Variants in MCF2L observed in about 807,000 individuals in gnomAD.
MCF2L encodes guanine nucleotide exchange factor DBS.
MCF2L carries 97 observed loss-of-function variants against 153.4 expected under a neutral mutation model. The ratio of observed to expected loss-of-function variants is 0.63; its 90% CI spans 0.54 to 0.75. The LOEUF (loss-of-function observed/expected upper bound fraction) is 0.75. Ranked by LOEUF, MCF2L falls within the 30% of genes least tolerant of loss-of-function variation. The pLI, the probability that MCF2L is intolerant of heterozygous loss-of-function variation, is 0.00. For synonymous variants in MCF2L, 659 were observed against 632.2 expected (o/e 1.04, Z -0.64); for missense variants, 1,347 against 1,495.2 (o/e 0.90, Z 1.64).
rs1021177500 is a variant in MCF2L at position 113,027,861 on chromosome 13, G to A, written c.278+3103G>A. Among the ~76,000 whole-genome samples, 3 of 152,220 alleles carry A rather than the reference G, an allele frequency of 2.0e-5. No homozygotes were observed. Among genetic ancestry groups the A allele is most frequent in the Non-Finnish European group, 4.4e-5 (3 of 68,032 alleles). Reference sequence around the variant, plus strand: ...GACCACATGGCCGTACCCCGAGGACGTAGGCTCCAGGTGTGCTGTGGCCAG... The same window carrying A: ...GACCACATGGCCGTACCCCGAGGACATAGGCTCCAGGTGTGCTGTGGCCAG... On this transcript the variant is annotated intron_variant, in intron 3 of 29. Coordinates refer to ENST00000535094, the MANE Select transcript of MCF2L (RefSeq NM_001112732.3). The surrounding 1 kb of genome is among the most constrained non-coding windows in gnomAD (Gnocchi z 4.8).
chr13:112,937,378 G>A (rs181276859), intron 2 of MCF2L, among the ~76,000 whole-genome samples: 44 of 152,298 alleles, frequency 2.9e-4, no homozygotes, highest in Middle Eastern at 3.4e-3. Context: ...TATGGTGGAC[G>A]TTATCTTCAT....
intron 4 of MCF2L, among the ~76,000 whole-genome samples, chr13:113,048,734 G>A (rs773478790): frequency 1.8e-4 from 27 of 152,178 alleles, no homozygotes; most frequent in Non-Finnish European, 3.8e-4. Flanking sequence ...GAGCCACCGC[G>A]CCCGGCTTAT....
upstream of MCF2L, chr13:112,968,747 C>G: frequency 7.2e-7 from 1 of 1,381,324 alleles, no homozygotes; most frequent in Non-Finnish European, 9.3e-7. Flanking sequence ...CGCGGCCCCG[C>G]GGAGGCAGCT....
intron 24 of MCF2L, 51 bp from the exon 25 acceptor site, chr13:113,088,511 C>T (rs1025043440): frequency 2.5e-5 from 40 of 1,607,532 alleles, no homozygotes; most frequent in Middle Eastern, 1.6e-4. Context: ...GGTGCCTCGG[C>T]GTTGAAGTAA....
intron 2 of MCF2L, among the ~76,000 whole-genome samples, chr13:112,930,631 G>C (rs1481800608): frequency 2.0e-5 from 3 of 152,206 alleles, no homozygotes; most frequent in African/African-American, 7.2e-5. Context: ...GCACAGCACA[G>C]AGTAAATCTT....
intron 3 of MCF2L, chr13:113,041,101 A>G (rs2086456094): frequency 6.6e-6 from 1 of 152,216 alleles, no homozygotes; most frequent in Non-Finnish European, 1.5e-5. Flanking sequence ...CTGATGGGGC[A>G]TCTATGGGCT....
Position 113,050,749 on chromosome 13 carries a change from GGGT to G in MCF2L, c.369+5390_369+5392del, listed in dbSNP as rs1429285833. Among the ~76,000 whole-genome samples the G allele has an allele frequency of 6.8e-4, 23 of 33,682 alleles. 1 individual carries two copies. Among genetic ancestry groups the G allele is most frequent in the South Asian group, 4.4e-3 (3 of 680 alleles). The allele number at this position is 33,682 out of a possible 152,430, so 22.1% of individuals were successfully genotyped here. On this transcript the variant is annotated intron_variant, in intron 4 of 29. Coordinates refer to ENST00000535094, the MANE Select transcript of MCF2L (RefSeq NM_001112732.3). Reference sequence around the variant, plus strand: ...GGCGGGGGGGGCGGGGGGAGCGGGGGGGTGCGGGGGGCGGTGGCGGGGGGAGGG... The same window carrying G: ...GGCGGGGGGGGCGGGGGGAGCGGGGGGCGGGGGGCGGTGGCGGGGGGAGGG...
At chr13:112,977,336 G>A (rs1309676248) in intron 1 of MCF2L, among the ~76,000 whole-genome samples, 4 of 152,086 alleles carry the variant, frequency 2.6e-5, no homozygotes, top group African/African-American at 9.7e-5. Context: ...GGAAGAACTT[G>A]GATCTCACAT....
At chr13:112,895,953 C>G (rs79452799) in intron 1 of MCF2L, among the ~76,000 whole-genome samples, 1,812 of 152,326 alleles carry the variant, frequency 0.012, 20 homozygotes, top group East Asian at 0.048. Context: ...ACCCCCCACA[C>G]GTCTGTGAAA....
intron 2 of MCF2L, among the ~76,000 whole-genome samples, chr13:112,958,968 C>A (rs569741243): frequency 6.6e-6 from 1 of 152,152 alleles, no homozygotes; most frequent in African/African-American, 2.4e-5. Flanking sequence ...CGGAGAGCAC[C>A]GGGGTCCTGC....
At chr13:113,007,672 C>T (rs905687004) in intron 1 of MCF2L, among the ~76,000 whole-genome samples, 10 of 152,196 alleles carry the variant, frequency 6.6e-5, no homozygotes, top group Non-Finnish European at 7.3e-5. Context: ...TGTGCAAACG[C>T]GGTTCGGCGG....
chr13:113,090,888 G>A, intron 26 of MCF2L: 2 of 1,166,258 alleles, frequency 1.7e-6, no homozygotes, highest in Non-Finnish European at 2.1e-6. Flanking sequence ...GGCCCCGAAA[G>A]GACGCCTCTG....
At position 113,046,681 on chromosome 13, in the gene MCF2L, G is replaced by A; in HGVS notation, c.369+1320G>A. ...TGTCCCTGAGCCGCTGGTTCTCATCGAAGTCTTTAGGATGAGGCATCTCCT... is the reference window on the plus strand; with the variant it reads ...TGTCCCTGAGCCGCTGGTTCTCATCAAAGTCTTTAGGATGAGGCATCTCCT... On this transcript the variant is annotated intron_variant, in intron 4 of 29. Coordinates refer to ENST00000535094, the MANE Select transcript of MCF2L (RefSeq NM_001112732.3). This position sits in a 1 kb window ranked among gnomAD's most constrained non-coding sequence, Gnocchi z 4.4. 1.9e-6 allele frequency: 1 copy of A among 532,142 alleles called. No homozygotes were observed. Among genetic ancestry groups the A allele is most frequent in the South Asian group, 1.4e-5 (1 of 71,426 alleles). The allele number at this position is 532,142 out of a possible 1,614,324, so 33.0% of individuals were successfully genotyped here. A position where few individuals can be genotyped will look rare whatever the true frequency, so the allele number is the denominator to read the frequency against.
intron 1 of MCF2L, among the ~76,000 whole-genome samples, chr13:113,012,521 C>G: frequency 1.0e-5 from 1 of 97,142 alleles, no homozygotes; most frequent in Non-Finnish European, 2.2e-5. Context: ...ATGGTGGACA[C>G]TGCAATGAGG....
intron 2 of MCF2L, among the ~76,000 whole-genome samples, chr13:112,903,855 C>T (rs1291744076): frequency 2.0e-5 from 3 of 152,192 alleles, no homozygotes; most frequent in Admixed American, 6.5e-5. Context: ...ACAGCTACTT[C>T]CTACAACAGT....
chr13:113,078,557 G>A (rs747631159), intron 14 of MCF2L, 109 bp from the exon 15 acceptor site: 12 of 1,390,710 alleles, frequency 8.6e-6, no homozygotes, highest in East Asian at 2.4e-5. Flanking sequence ...GCTCCCCATC[G>A]TGGGAATTCA....
chr13:113,032,531 T>C (rs1411911918), intron 3 of MCF2L, among the ~76,000 whole-genome samples: 1 of 152,178 alleles, frequency 6.6e-6, no homozygotes, highest in Non-Finnish European at 1.5e-5. Context: ...GGCGCCCTTC[T>C]ACCTTGGCGC....
At chr13:112,928,760 T>C (rs185081392) in intron 2 of MCF2L, among the ~76,000 whole-genome samples, 3 of 152,344 alleles carry the variant, frequency 2.0e-5, no homozygotes, top group Admixed American at 2.0e-4. Context: ...CCATATGTTT[T>C]TTAAAAACAG....
intron 1 of MCF2L, among the ~76,000 whole-genome samples, chr13:113,007,329 T>G (rs1162127871): frequency 6.6e-6 from 1 of 152,170 alleles, no homozygotes; most frequent in Non-Finnish European, 1.5e-5. Context: ...TGACAGACCC[T>G]CCTGGTGCCC....
Sources: allele counts gnomAD v4.1 joint callset (sites outside exome capture counted in the v4.1 genomes callset), GRCh38; gene constraint gnomAD v4.1.1; non-coding constraint Gnocchi (gnomAD v3.1); transcripts MANE v1.5; gene names NCBI Gene and HGNC (gene_info 2026-07-23, HGNC 2026-07-21).